CEP57L1: variants seen among roughly 807,000 people sequenced by gnomAD.
CEP57L1 encodes centrosomal protein 57 like 1, also known as centrosomal protein CEP57L1.
CEP57L1 carries 37 observed loss-of-function variants against 61.0 expected under a neutral mutation model. The observed-to-expected ratio is 0.61, with a 90% CI of 0.47 to 0.80. The LOEUF is 0.80. Ranked by LOEUF, CEP57L1 falls within the 30% of genes least tolerant of loss-of-function variation. The pLI, the probability that CEP57L1 is intolerant of heterozygous loss-of-function variation, is 0.00. For missense variants in CEP57L1, 422 were observed against 524.7 expected (o/e 0.80, Z 1.91); for synonymous variants, 137 against 162.3 (o/e 0.84, Z 1.19).
rs1467206364 is a variant in CEP57L1 at position 109,167,695 on chromosome 6, A to G, written c.*4725A>G. ...CTGCCTCAAAGCAAAAAAAAAAAGA[A>G]AAGAAAAGAAAAAAGGAATAGCCCA... On this transcript the variant is annotated 3_prime_UTR_variant, in exon 11 of 11. Transcript: ENST00000517392. Among the ~76,000 whole-genome samples, 1 of 152,042 alleles carries G rather than the reference A, an allele frequency of 6.6e-6. No individual in the cohort carries two copies. Among genetic ancestry groups the G allele is most frequent in the African/African-American group, 2.4e-5 (1 of 41,398 alleles).
chr6:109,114,717 G>A (rs994373012), intron 1 of CEP57L1, among the ~76,000 whole-genome samples: 32 of 152,244 alleles, frequency 2.1e-4, no homozygotes, highest in African/African-American at 4.8e-4. Flanking sequence ...GTTGTAGGGC[G>A]TGGACAGGGA....
At chr6:109,123,997 G>A (rs1325730570) in intron 1 of CEP57L1, among the ~76,000 whole-genome samples, 1 of 151,994 alleles carries the variant, frequency 6.6e-6, no homozygotes, top group Non-Finnish European at 1.5e-5. Context: ...CTTGAACCCA[G>A]AAGGTGGAGG....
rs148585399 is a variant in CEP57L1 at position 109,167,825 on chromosome 6, G to A, written c.*4855G>A. On this transcript the variant is annotated 3_prime_UTR_variant, in exon 11 of 11. Coordinates refer to ENST00000517392, the MANE Select transcript of CEP57L1 (RefSeq NM_001271852.3). The stretch of plus-strand genomic sequence containing the variant: ...TAAGAGGAAGAGGTTTGAGAGCCAA[G>A]AGTTCTTTATTTGGATATTGGTATG... 3.9e-5 allele frequency among the ~76,000 whole-genome samples: 6 copies of A among 152,232 alleles called. No individual in the cohort carries two copies. The highest frequency in any genetic ancestry group is 3.9e-4 in the Admixed American group (6 of 15,284).
intron 1 of CEP57L1, among the ~76,000 whole-genome samples, chr6:109,108,862 T>G (rs1351620434): frequency 6.6e-6 from 1 of 152,230 alleles, no homozygotes; most frequent in Non-Finnish European, 1.5e-5. Flanking sequence ...CATGATTCTG[T>G]TAAGTACTTT....
chr6:109,120,174 C>G (rs377263566), intron 1 of CEP57L1, among the ~76,000 whole-genome samples: 41 of 152,258 alleles, frequency 2.7e-4, no homozygotes, highest in African/African-American at 9.4e-4. Flanking sequence ...GCAGATCACA[C>G]AGGATTTATC....
chr6:109,123,340 G>A (rs539415732), intron 1 of CEP57L1, among the ~76,000 whole-genome samples: 9 of 152,062 alleles, frequency 5.9e-5, no homozygotes, highest in Non-Finnish European at 1.3e-4. Context: ...AATACACTCC[G>A]AACTAGGATA....
chr6:109,102,495 T>A (rs1445583243), intron 1 of CEP57L1, among the ~76,000 whole-genome samples: 1 of 152,242 alleles, frequency 6.6e-6, no homozygotes, highest in Non-Finnish European at 1.5e-5. Flanking sequence ...AAAGCAGAAA[T>A]TTTTAATTTT....
At chr6:109,097,080 T>TA (rs1781792811) in intron 1 of CEP57L1, among the ~76,000 whole-genome samples, 1 of 152,228 alleles carries the variant, frequency 6.6e-6, no homozygotes, top group African/African-American at 2.4e-5. Flanking sequence ...GTGTTCCTTA[T>TA]TTCAGCAAAG....
intron 1 of CEP57L1, among the ~76,000 whole-genome samples, chr6:109,144,194 G>A (rs1771719153): frequency 6.6e-6 from 1 of 152,168 alleles, no homozygotes; most frequent in Admixed American, 6.5e-5. Context: ...GGCTAAAGTA[G>A]AAAATTCTAG....
intron 9 of CEP57L1, 78 bp from the exon 10 acceptor site, chr6:109,160,494 C>G: frequency 3.4e-6 from 4 of 1,163,838 alleles, no homozygotes; most frequent in Non-Finnish European, 4.9e-6. Flanking sequence ...TATGATTGAA[C>G]AGAAAATTGC....
intron 1 of CEP57L1, chr6:109,129,366 G>A: frequency 8.1e-7 from 1 of 1,237,904 alleles, no homozygotes; most frequent in South Asian, 1.3e-5. Context: ...TCTGGGAACT[G>A]ATCAGTCTTC....
At position 109,159,306 on chromosome 6, in the gene CEP57L1, C is replaced by T. The variant is rs757662191; in HGVS notation, c.860C>T (p.Pro287Leu). Residue 287 changes from proline to leucine, a missense_variant, in exon 9 of 11, where the codon CCT becomes CTT. Pro to Leu is a moderately conservative substitution (Grantham distance 98, BLOSUM62 -3). Transcript: ENST00000517392. ...QHRDPHILQKPFNVTETRCLP... is the reference protein window; with the variant it reads ...QHRDPHILQKLFNVTETRCLP... Reference sequence around the variant, plus strand: ...CGTGACCCACATATCCTTCAGAAACCTTTTAACGTGACTGAGACTAGATGT... The same window carrying T: ...CGTGACCCACATATCCTTCAGAAACTTTTTAACGTGACTGAGACTAGATGT... 6.2e-7 allele frequency: 1 copy of T among 1,614,066 alleles called. No homozygotes were observed. Among genetic ancestry groups the T allele is most frequent in the Admixed American group, 1.7e-5 (1 of 59,982 alleles).
At chr6:109,160,429 A>T in intron 9 of CEP57L1, 143 bp from the exon 10 acceptor site, 1 of 587,588 alleles carries the variant, frequency 1.7e-6, no homozygotes, top group Non-Finnish European at 2.9e-6. Flanking sequence ...AGACTTAATT[A>T]ACCCTAAAGA....
chr6:109,153,475 G>A (rs1171252564), intron 4 of CEP57L1, among the ~76,000 whole-genome samples: 1 of 151,228 alleles, frequency 6.6e-6, no homozygotes, highest in East Asian at 1.9e-4. Flanking sequence ...CAAACTCCAG[G>A]GTTCAAGCAG....
chr6:109,105,873 G>A (rs1770876864), intron 1 of CEP57L1, among the ~76,000 whole-genome samples: 1 of 152,104 alleles, frequency 6.6e-6, no homozygotes, highest in South Asian at 2.1e-4. Flanking sequence ...GCTCTCCATT[G>A]CTTGCATTAC....
At chr6:109,122,584 C>T (rs1173414285) in intron 1 of CEP57L1, among the ~76,000 whole-genome samples, 2 of 151,990 alleles carry the variant, frequency 1.3e-5, no homozygotes, top group Non-Finnish European at 2.9e-5. Flanking sequence ...GGGAGGATCA[C>T]GAGGTCAGGG....
In CEP57L1 at chr6:109,164,757, A is replaced by G. The variant is rs1468724829; in HGVS notation, c.*1787A>G. On this transcript the variant is annotated 3_prime_UTR_variant, in exon 11 of 11. Transcript: ENST00000517392. ...AGTTATTAATAATTCATTACTTGTG[A>G]AAAGGTATTGCTTTAAAAATTATCA... 2.0e-5 allele frequency among the ~76,000 whole-genome samples: 3 copies of G among 152,116 alleles called. No homozygotes were observed. Among genetic ancestry groups the G allele is most frequent in the Non-Finnish European group, 1.5e-5 (1 of 68,018 alleles).
At chr6:109,125,062 G>C (rs1001442094) in intron 1 of CEP57L1, 1 of 152,192 alleles carries the variant, frequency 6.6e-6, no homozygotes, top group Non-Finnish European at 1.5e-5. Context: ...GAGGTAGCAA[G>C]AGATGAAAAG....
rs1231634633 is a variant in CEP57L1 at position 109,100,382 on chromosome 6, A to G, written c.-4+4807A>G. Reference sequence around the variant, plus strand: ...AAAAACATTTTAGAAAGTTCGTCCTAAAAAAAACAAAGCCGGGCACAGTGG... The same window carrying G: ...AAAAACATTTTAGAAAGTTCGTCCTGAAAAAAACAAAGCCGGGCACAGTGG... On this transcript the variant is annotated intron_variant, in intron 1 of 10. Coordinates refer to ENST00000517392, the MANE Select transcript of CEP57L1 (RefSeq NM_001271852.3). 4.6e-5 allele frequency: 7 copies of G among 151,936 alleles called. 1 individual carries two copies. The highest frequency in any genetic ancestry group is 1.7e-4 in the African/African-American group (7 of 41,330). 9.4% of individuals were successfully genotyped at this position (151,936 alleles called of 1,614,324 possible). A position where few individuals can be genotyped will look rare whatever the true frequency, so the allele number is the denominator to read the frequency against.
Sources: gnomAD v4.1 joint callset for allele counts (sites outside exome capture counted in the v4.1 genomes callset) on GRCh38, gnomAD v4.1.1 for gene constraint, MANE v1.5 for transcripts, NCBI Gene and HGNC (gene_info 2026-07-23, HGNC 2026-07-21) for gene names.